Variants in CADPS observed in about 807,000 individuals in gnomAD.
The protein encoded by CADPS is calcium dependent secretion activator, also known as calcium-dependent secretion activator 1.
In CADPS, 57 loss-of-function variants were observed where a neutral mutation model predicts 167.3. That is an observed-to-expected ratio of 0.34 (90% CI 0.28 to 0.42). The LOEUF (loss-of-function observed/expected upper bound fraction) is 0.42, where lower values mean the gene tolerates loss of function less well. CADPS is among the 20% of genes least tolerant of loss of function. The pLI is 1.00. For missense variants in CADPS, 1,414 were observed against 1,738.1 expected, an observed-to-expected ratio of 0.81 and a Z score of 3.32; for synonymous variants, 676 against 635.3, an observed-to-expected ratio of 1.06 and a Z score of -0.96.
At chr3:62,560,984 C>T (rs954550496) in intron 9 of CADPS, among the ~76,000 whole-genome samples, 1 of 144,374 alleles carries the variant, frequency 6.9e-6, no homozygotes, top group Non-Finnish European at 1.5e-5. Context: ...GAGGCTGAGG[C>T]AGGAGAATTG....
intron 6 of CADPS, among the ~76,000 whole-genome samples, chr3:62,623,685 G>A (rs1315216880): frequency 6.6e-6 from 1 of 152,094 alleles, no homozygotes; most frequent in African/African-American, 2.4e-5. Flanking sequence ...ATTTTTCTGA[G>A]CTAACCCTTA....
intron 11 of CADPS, among the ~76,000 whole-genome samples, chr3:62,538,220 T>C (rs2075088653): frequency 6.6e-6 from 1 of 152,068 alleles, no homozygotes; most frequent in Non-Finnish European, 1.5e-5. Context: ...AGTTCGGTTG[T>C]TTGGTCTCCA....
At chr3:62,868,221 T>C (rs2082050517) in intron 1 of CADPS, among the ~76,000 whole-genome samples, 1 of 152,074 alleles carries the variant, frequency 6.6e-6, no homozygotes, top group Non-Finnish European at 1.5e-5. Context: ...GTTCTAAATT[T>C]CAGGTCCTTC....
intron 3 of CADPS, among the ~76,000 whole-genome samples, chr3:62,718,945 T>C (rs1351131897): frequency 6.6e-6 from 1 of 152,202 alleles, no homozygotes; most frequent in Non-Finnish European, 1.5e-5. Flanking sequence ...TGCTTTAAAA[T>C]GTCACAGGTA....
At chr3:62,504,099 A>G (rs2066213544) in intron 17 of CADPS, among the ~76,000 whole-genome samples, 1 of 152,228 alleles carries the variant, frequency 6.6e-6, no homozygotes, top group Non-Finnish European at 1.5e-5. Flanking sequence ...GGCAAAAATC[A>G]TCTATTAAAA....
chr3:62,670,835 CT>C (rs1411623405), intron 3 of CADPS, among the ~76,000 whole-genome samples: 2 of 152,146 alleles, frequency 1.3e-5, no homozygotes, highest in Non-Finnish European at 2.9e-5. Flanking sequence ...CAGAATTTGG[CT>C]TCAGGCCTTT....
intron 3 of CADPS, among the ~76,000 whole-genome samples, chr3:62,699,340 G>T (rs970282983): frequency 6.6e-6 from 1 of 151,916 alleles, no homozygotes; most frequent in African/African-American, 2.4e-5. Flanking sequence ...CCTGGTGTCC[G>T]TGGTTCTTCT....
In CADPS at chr3:62,576,788, TAAA is replaced by T. The variant is rs138055445; in HGVS notation, c.1578-5853_1578-5851del. Among the ~76,000 whole-genome samples the T allele has an allele frequency of 4.0e-4, 12 of 29,862 alleles. No homozygotes were observed. In the East Asian group the frequency reaches 0.015, roughly 37 times the overall value. 19.6% of individuals were successfully genotyped at this position (29,862 alleles called of 152,430 possible). A position where few individuals can be genotyped will look rare whatever the true frequency, so the allele number is the denominator to read the frequency against. On this transcript the variant is annotated intron_variant, in intron 8 of 29. Transcript: ENST00000383710. The stretch of plus-strand genomic sequence containing the variant: ...CTGGGTGACAGAGCAAGACTCTGTC[TAAA>T]AAAAAAAAAAAAAAAAAAAAAAAAA...
chr3:62,474,170 T>TTTTTTTTTTTTTTAC lies in CADPS; in HGVS notation c.3477+2_3477+3insGTAAAAAAAAAAAAA. 8 of 1,475,364 alleles carry TTTTTTTTTTTTTTAC rather than the reference T, an allele frequency of 5.4e-6. No individual in the cohort carries two copies. Among genetic ancestry groups the TTTTTTTTTTTTTTAC allele is most frequent in the Non-Finnish European group, 7.2e-6 (8 of 1,105,856 alleles). 91.4% of individuals were successfully genotyped at this position (1,475,364 alleles called of 1,614,324 possible). ...AAATCTGTATTTTTTTTTTTTTTTT[T>TTTTTTTTTTTTTTAC]ACCTCTTGGCCCATTTCCATGCTGC... is the stretch of plus-strand genomic sequence containing the variant. On this transcript the variant is annotated splice_region_variant and intron_variant, in intron 24 of 29. Transcript: ENST00000383710.
rs891597326 is a variant in CADPS at position 62,559,452 on chromosome 3, C to G, written c.1645-1939G>C. Among the ~76,000 whole-genome samples, 5 of 152,104 alleles carry G rather than the reference C, an allele frequency of 3.3e-5. No homozygotes were observed. The East Asian group carries it at 7.7e-4, about 24-fold the overall frequency. On this transcript the variant is annotated intron_variant, in intron 9 of 29. Transcript: ENST00000383710. ...GGGATAACAGATTTCCTGTGACCCT[C>G]TGCATGACAATGATCATAGATACTG...
At chr3:62,521,976 G>A (rs1164063761) in intron 13 of CADPS, among the ~76,000 whole-genome samples, 3 of 152,194 alleles carry the variant, frequency 2.0e-5, no homozygotes, top group African/African-American at 7.2e-5. Context: ...TACAAGGCTA[G>A]AATAAACAGA....
At chr3:62,762,789 G>A (rs895099856) in intron 2 of CADPS, among the ~76,000 whole-genome samples, 29 of 152,216 alleles carry the variant, frequency 1.9e-4, no homozygotes, top group Non-Finnish European at 3.4e-4. Context: ...AATGCTCTGC[G>A]GATACTGAGT....
intron 3 of CADPS, among the ~76,000 whole-genome samples, chr3:62,727,476 C>G (rs1463361873): frequency 1.3e-5 from 2 of 151,832 alleles, no homozygotes; most frequent in African/African-American, 2.4e-5. Flanking sequence ...CACCTTTTCT[C>G]TGATTTTGCA....
At position 62,474,153 on chromosome 3, in the gene CADPS, A is replaced by ATTTTCTTTTTTTT; in HGVS notation, c.3477+19_3477+20insAAAAAAAAGAAAA. 1 of 735,996 alleles carries ATTTTCTTTTTTTT rather than the reference A, an allele frequency of 1.4e-6. No individual in the cohort carries two copies. Among genetic ancestry groups the ATTTTCTTTTTTTT allele is most frequent in the Non-Finnish European group, 1.8e-6 (1 of 549,888 alleles). 45.6% of individuals were successfully genotyped at this position (735,996 alleles called of 1,614,324 possible). A position where few individuals can be genotyped will look rare whatever the true frequency, so the allele number is the denominator to read the frequency against. On this transcript the variant is annotated intron_variant, in intron 24 of 29. Coordinates refer to ENST00000383710, the MANE Select transcript of CADPS (RefSeq NM_003716.4). Reference sequence around the variant, plus strand: ...AATGAAGAGGGAAAAAAAAATCTGTATTTTTTTTTTTTTTTTTACCTCTTG... The same window carrying ATTTTCTTTTTTTT: ...AATGAAGAGGGAAAAAAAAATCTGTATTTTCTTTTTTTTTTTTTTTTTTTTTTTTTACCTCTTG...
At chr3:62,424,954 G>T (rs560799324) in intron 28 of CADPS, among the ~76,000 whole-genome samples, 1 of 152,318 alleles carries the variant, frequency 6.6e-6, no homozygotes, top group South Asian at 2.1e-4. Flanking sequence ...CACTAGTGGT[G>T]AATTAGGTAG....
intron 6 of CADPS, among the ~76,000 whole-genome samples, chr3:62,645,198 G>A (rs913050707): frequency 6.6e-6 from 1 of 152,124 alleles, no homozygotes; most frequent in African/African-American, 2.4e-5. Context: ...GGGACTCAGG[G>A]GAAAGAGTGG....
intron 3 of CADPS, among the ~76,000 whole-genome samples, chr3:62,734,150 T>C (rs996880854): frequency 6.6e-6 from 1 of 152,196 alleles, no homozygotes; most frequent in Admixed American, 6.5e-5. Flanking sequence ...GCGAGCTTTA[T>C]GGGCACAGTT....
rs1276454593 is a variant in CADPS, at chr3:62,625,036, C to T, written c.1325+20686G>A. Among the ~76,000 whole-genome samples the T allele has an allele frequency of 1.3e-5, 2 of 150,866 alleles. 1 individual carries two copies. The highest frequency in any genetic ancestry group is 5.0e-5 in the African/African-American group (2 of 40,344). ...TGGGATCCATGGGAGACAGAGTGGT[C>T]CCCTCTTCTTGGGTTGACTACAGCT... On this transcript the variant is annotated intron_variant, in intron 6 of 29. Coordinates refer to ENST00000383710, the MANE Select transcript of CADPS (RefSeq NM_003716.4).
chr3:62,608,035 G>C (rs2060931491), intron 6 of CADPS, among the ~76,000 whole-genome samples: 1 of 152,144 alleles, frequency 6.6e-6, no homozygotes, highest in Non-Finnish European at 1.5e-5. Flanking sequence ...CTTGAAAAGT[G>C]ATGAATCTCA....
Sources: gnomAD v4.1 joint callset for allele counts (sites outside exome capture counted in the v4.1 genomes callset) on GRCh38, gnomAD v4.1.1 for gene constraint, MANE v1.5 for transcripts, NCBI Gene and HGNC (gene_info 2026-07-23, HGNC 2026-07-21) for gene names.